The following MYO3A variants were observed in gnomAD, a reference collection of about 807,000 sequenced individuals.
MYO3A encodes myosin-IIIa.
MYO3A carries 180 observed loss-of-function variants against 192.7 expected under a neutral mutation model. That is an observed-to-expected ratio of 0.93 (90% CI 0.83 to 1.06). MYO3A has a LOEUF of 1.06. MYO3A is among the 50% of genes least tolerant of loss of function. The pLI, the probability that MYO3A is intolerant of heterozygous loss-of-function variation, is 0.00. For synonymous variants in MYO3A, 628 were observed against 645.3 expected (o/e 0.97, Z 0.41); for missense variants, 1,896 against 1,905.0 (o/e 1.00, Z 0.09).
intron 6 of MYO3A, among the ~76,000 whole-genome samples, chr10:26,004,366 A>G (rs1023991543): frequency 2.6e-5 from 4 of 152,082 alleles, no homozygotes; most frequent in African/African-American, 7.2e-5. Flanking sequence ...GAAAAGAATT[A>G]TAGTGATGTT....
At position 26,143,697 on chromosome 10, in the gene MYO3A, A is replaced by G. The variant is rs1336737749; in HGVS notation, c.2416+96A>G. ...ATGGCTTTAAATTATCTGGAAGAAA[A>G]TAGCTGTCACAAAGCCTGCATATTT... is the stretch of plus-strand genomic sequence containing the variant. On this transcript the variant is annotated intron_variant, in intron 21 of 34. Coordinates refer to ENST00000642920, the MANE Select transcript of MYO3A (RefSeq NM_017433.5). 3 of 1,455,824 alleles carry G rather than the reference A, an allele frequency of 2.1e-6. No homozygotes were observed. In the African/African-American group the frequency reaches 4.2e-5, roughly 20 times the overall value. The allele number at this position is 1,455,824 out of a possible 1,614,324, so 90.2% of individuals were successfully genotyped here.
intron 2 of MYO3A, among the ~76,000 whole-genome samples, chr10:25,941,758 T>C (rs1276659067): frequency 6.6e-6 from 1 of 152,140 alleles, no homozygotes; most frequent in Non-Finnish European, 1.5e-5. Flanking sequence ...TCAACAAAAT[T>C]CCTGTTCTCT....
intron 25 of MYO3A, among the ~76,000 whole-genome samples, chr10:26,155,191 G>A (rs1841041162): frequency 6.6e-6 from 1 of 152,138 alleles, no homozygotes; most frequent in African/African-American, 2.4e-5. Context: ...ATAGGGCAAG[G>A]CTGAGCATCC....
At chr10:26,054,261 T>C (rs995610679) in intron 10 of MYO3A, among the ~76,000 whole-genome samples, 5 of 152,186 alleles carry the variant, frequency 3.3e-5, no homozygotes, top group Admixed American at 3.3e-4. Flanking sequence ...TAAAGATCAG[T>C]GTAGTAGCAA....
intron 17 of MYO3A, among the ~76,000 whole-genome samples, chr10:26,099,422 C>T (rs536720804): frequency 7.2e-5 from 11 of 152,310 alleles, no homozygotes; most frequent in Non-Finnish European, 1.3e-4. Context: ...TGCCTGATTG[C>T]CCTGGCCAGA....
chr10:25,982,453 G>A (rs1839393776), intron 4 of MYO3A, among the ~76,000 whole-genome samples: 1 of 152,106 alleles, frequency 6.6e-6, no homozygotes, highest in South Asian at 2.1e-4. Context: ...CAGCTGATAT[G>A]CTATTGAAAG....
chr10:26,133,509 T>C (rs988118709), intron 20 of MYO3A, among the ~76,000 whole-genome samples: 2 of 152,212 alleles, frequency 1.3e-5, no homozygotes, highest in African/African-American at 4.8e-5. Context: ...TCTCTTTCAT[T>C]GGTGAAGTTT....
intron 26 of MYO3A, 163 bp from the exon 27 acceptor site, chr10:26,165,903 AT>A (rs1472309046): frequency 1.4e-6 from 1 of 722,730 alleles, no homozygotes; most frequent in Non-Finnish European, 2.5e-6. Flanking sequence ...TCAGTTTGGA[AT>A]TTGGTCTACT....
At chr10:26,097,942 T>C (rs993682587) in intron 17 of MYO3A, among the ~76,000 whole-genome samples, 8 of 152,234 alleles carry the variant, frequency 5.3e-5, no homozygotes, top group African/African-American at 1.9e-4. Flanking sequence ...GTTAATGGAA[T>C]GGCTGGGTCA....
chr10:26,128,340 C>A lies in MYO3A; in HGVS notation c.2115-51C>A, dbSNP rs771246967. The A allele has an allele frequency of 9.6e-6, 15 of 1,568,574 alleles. No individual in the cohort carries two copies. In the Admixed American group the frequency reaches 2.5e-4, roughly 26 times the overall value. Reference sequence around the variant, plus strand: ...GGTAACTCTAAGATTCCCTGTTTTACATTACCTCTTCAGGAAATAACTCAA... The same window carrying A: ...GGTAACTCTAAGATTCCCTGTTTTAAATTACCTCTTCAGGAAATAACTCAA... On this transcript the variant is annotated intron_variant, in intron 19 of 34. Transcript: ENST00000642920.
intron 21 of MYO3A, among the ~76,000 whole-genome samples, chr10:26,144,059 A>G (rs1301173469): frequency 6.6e-6 from 1 of 152,176 alleles, no homozygotes; most frequent in African/African-American, 2.4e-5. Flanking sequence ...CAGTACATTA[A>G]TAAATATTCA....
intron 27 of MYO3A, among the ~76,000 whole-genome samples, chr10:26,168,219 CTG>C (rs1841859821): frequency 6.6e-6 from 1 of 152,176 alleles, no homozygotes; most frequent in Non-Finnish European, 1.5e-5. Context: ...TTGTTCATCT[CTG>C]TATCCCCAGC....
In MYO3A at chr10:26,153,923, G is replaced by T; in HGVS notation, c.2709G>T (p.Leu903=). ...QMRTSEKLIN[L]AKGDTGEATR... ...GGACTTCAGAAAAATTAATCAACCTGGCAAAGGTAAGAAAATGCTTTTTTT... is the reference window on the plus strand; with the variant it reads ...GGACTTCAGAAAAATTAATCAACCTTGCAAAGGTAAGAAAATGCTTTTTTT... Residue 903 remains leucine, a synonymous_variant, in exon 24 of 35, where the codon CTG becomes CTT. Transcript: ENST00000642920. 1 of 1,588,004 alleles carries T rather than the reference G, an allele frequency of 6.3e-7. No individual in the cohort carries two copies. Among genetic ancestry groups the T allele is most frequent in the South Asian group, 1.1e-5 (1 of 90,536 alleles).
Position 26,055,885 on chromosome 10 carries a change from C to T in MYO3A, c.954-11090C>T, listed in dbSNP as rs549724824. 8.5e-5 allele frequency among the ~76,000 whole-genome samples: 13 copies of T among 152,336 alleles called. 1 individual carries two copies. The East Asian group carries it at 2.5e-3, about 29-fold the overall frequency. The stretch of plus-strand genomic sequence containing the variant: ...CCTTATGCCTGTAGCATGTTACCAA[C>T]ACATGAATTAACACCTATTTATTGG... On this transcript the variant is annotated intron_variant, in intron 10 of 34. Coordinates refer to ENST00000642920, the MANE Select transcript of MYO3A (RefSeq NM_017433.5).
At chr10:26,193,109 C>T in intron 31 of MYO3A, 96 bp from the exon 32 acceptor site, 1 of 980,088 alleles carries the variant, frequency 1.0e-6, no homozygotes, top group South Asian at 1.4e-5. Context: ...TAGCCTCAGT[C>T]ATATGTGTAT....
chr10:26,070,610 C>T (rs1835146224), intron 14 of MYO3A, among the ~76,000 whole-genome samples: 1 of 152,004 alleles, frequency 6.6e-6, no homozygotes, highest in Non-Finnish European at 1.5e-5. Flanking sequence ...TTTTATCACA[C>T]TTATTAGGCA....
intron 20 of MYO3A, among the ~76,000 whole-genome samples, chr10:26,136,440 A>T (rs1487735631): frequency 6.6e-6 from 1 of 152,232 alleles, no homozygotes; most frequent in Non-Finnish European, 1.5e-5. Context: ...CTGTCACTGC[A>T]TATACCAGCC....
chr10:26,039,097 A>G (rs1269913679), intron 10 of MYO3A, among the ~76,000 whole-genome samples: 2 of 151,466 alleles, frequency 1.3e-5, no homozygotes, highest in Non-Finnish European at 2.9e-5. Flanking sequence ...CTGGAGTGCA[A>G]TGGCGTGATC....
chr10:26,004,249 T>TCC (rs1841037289), intron 6 of MYO3A, among the ~76,000 whole-genome samples: 1 of 152,014 alleles, frequency 6.6e-6, no homozygotes, highest in Admixed American at 6.6e-5. Context: ...GAGAAAGGTA[T>TCC]CTGCATAGGG....
Sources: allele counts gnomAD v4.1 joint callset (sites outside exome capture counted in the v4.1 genomes callset), GRCh38; gene constraint gnomAD v4.1.1; transcripts MANE v1.5; gene names NCBI Gene and HGNC (gene_info 2026-07-23, HGNC 2026-07-21).